The following PPM1L variants were observed in gnomAD, a reference collection of about 807,000 sequenced individuals.
PPM1L encodes the protein protein phosphatase, Mg2+/Mn2+ dependent 1L, also known as protein phosphatase 1L.
PPM1L carries 13 observed loss-of-function variants against 31.4 expected under a neutral mutation model. That is an observed-to-expected ratio of 0.41 (90% CI 0.27 to 0.66). The LOEUF (loss-of-function observed/expected upper bound fraction) is 0.66, where lower values mean the gene tolerates loss of function less well. Among genes scored for constraint, PPM1L ranks in the 30% least tolerant of loss-of-function variants. The pLI, the probability that PPM1L is intolerant of heterozygous loss-of-function variation, is 0.29. For missense variants in PPM1L, 326 were observed against 453.7 expected (o/e 0.72, Z 2.56); for synonymous variants, 184 against 175.4 (o/e 1.05, Z -0.39).
chr3:160,972,103 TATTA>T (rs998939019), intron 2 of PPM1L, among the ~76,000 whole-genome samples: 7 of 152,226 alleles, frequency 4.6e-5, no homozygotes, highest in African/African-American at 1.7e-4. Flanking sequence ...CTCCAACTGA[TATTA>T]ATTAGTTTAT....
At chr3:160,792,803 C>T (rs993184194) in intron 1 of PPM1L, among the ~76,000 whole-genome samples, 2 of 152,166 alleles carry the variant, frequency 1.3e-5, no homozygotes, top group Non-Finnish European at 2.9e-5. Context: ...TTTTATTATA[C>T]AGGATACAGC....
At chr3:160,767,862 T>C (rs564877864) in intron 1 of PPM1L, among the ~76,000 whole-genome samples, 59 of 152,314 alleles carry the variant, frequency 3.9e-4, no homozygotes, top group Non-Finnish European at 4.9e-4. Flanking sequence ...GTGTATACCA[T>C]TTCTTTTTAA....
At chr3:160,859,819 C>T (rs1292408997) in intron 1 of PPM1L, among the ~76,000 whole-genome samples, 2 of 152,130 alleles carry the variant, frequency 1.3e-5, no homozygotes, top group Non-Finnish European at 2.9e-5. Flanking sequence ...CTGGGAGCTG[C>T]CTGATAAAAG....
At chr3:160,985,983 A>ACCC (rs1559914249) in intron 2 of PPM1L, among the ~76,000 whole-genome samples, 8 of 149,056 alleles carry the variant, frequency 5.4e-5, no homozygotes, top group African/African-American at 1.5e-4. Context: ...CACCCACCCA[A>ACCC]AAAAAAAAAT....
intron 2 of PPM1L, among the ~76,000 whole-genome samples, chr3:161,045,083 A>G (rs1719019440): frequency 6.6e-6 from 1 of 152,240 alleles, no homozygotes; most frequent in Non-Finnish European, 1.5e-5. Flanking sequence ...TATCCTAAAT[A>G]TATATGCACT....
intron 1 of PPM1L, among the ~76,000 whole-genome samples, chr3:160,945,642 C>G (rs1715384249): frequency 6.6e-6 from 1 of 152,080 alleles, no homozygotes; most frequent in Non-Finnish European, 1.5e-5. Context: ...CTCAGAGTTA[C>G]TTTTTAATCA....
chr3:160,814,476 T>TACAC (rs143386537), intron 1 of PPM1L, among the ~76,000 whole-genome samples: 5 of 145,086 alleles, frequency 3.4e-5, no homozygotes, highest in Admixed American at 7.1e-5. Context: ...GTGGTGTATA[T>TACAC]ACACACACAC....
chr3:160,969,709 T>G (rs546471255), intron 2 of PPM1L, among the ~76,000 whole-genome samples: 1 of 152,296 alleles, frequency 6.6e-6, no homozygotes, highest in Admixed American at 6.5e-5. Flanking sequence ...CAGGGACTTG[T>G]TGACAAGAAT....
intron 1 of PPM1L, chr3:160,882,315 G>A (rs988398401): frequency 2.6e-5 from 4 of 152,116 alleles, no homozygotes; most frequent in Non-Finnish European, 5.9e-5. Flanking sequence ...CTCATCTGGC[G>A]CAGGGTAAGC....
intron 2 of PPM1L, among the ~76,000 whole-genome samples, chr3:161,062,144 G>GA (rs1719591350): frequency 1.4e-5 from 2 of 146,796 alleles, no homozygotes; most frequent in African/African-American, 5.0e-5. Context: ...TAGTGGGGGG[G>GA]GAAAAAAAAA....
intron 1 of PPM1L, among the ~76,000 whole-genome samples, chr3:160,934,950 CA>C (rs960317855): frequency 9.0e-5 from 13 of 145,116 alleles, no homozygotes; most frequent in East Asian, 2.0e-4. Flanking sequence ...CACTCTGTCT[CA>C]AAAAAAAAAG....
intron 1 of PPM1L, among the ~76,000 whole-genome samples, chr3:160,946,160 G>C (rs1715401867): frequency 6.6e-6 from 1 of 152,028 alleles, no homozygotes; most frequent in African/African-American, 2.4e-5. Context: ...TTTATCCCTA[G>C]CTTCATCTCA....
chr3:160,883,649 G>A (rs555951936), intron 1 of PPM1L, among the ~76,000 whole-genome samples: 17 of 151,944 alleles, frequency 1.1e-4, no homozygotes, highest in African/African-American at 3.6e-4. Flanking sequence ...GGTCCTTTTT[G>A]TTTCCATAGG....
At chr3:160,807,064 A>G (rs1712626435) in intron 1 of PPM1L, among the ~76,000 whole-genome samples, 1 of 151,710 alleles carries the variant, frequency 6.6e-6, no homozygotes. Flanking sequence ...AGTTTTTAAA[A>G]CTCCTCTGGT....
intron 1 of PPM1L, among the ~76,000 whole-genome samples, chr3:160,871,933 A>G (rs951341110): frequency 6.6e-6 from 1 of 152,136 alleles, no homozygotes; most frequent in African/African-American, 2.4e-5. Context: ...TATTTTAATT[A>G]AAGCATCTTT....
chr3:160,986,563 T>C (rs1162912043), intron 2 of PPM1L, among the ~76,000 whole-genome samples: 1 of 152,236 alleles, frequency 6.6e-6, no homozygotes, highest in Non-Finnish European at 1.5e-5. Context: ...TATTAATTAA[T>C]TGCCTGATAT....
chr3:161,006,042 C>T (rs928427158), intron 2 of PPM1L, among the ~76,000 whole-genome samples: 10 of 151,878 alleles, frequency 6.6e-5, no homozygotes, highest in African/African-American at 1.9e-4. Context: ...ACAGTCTCAA[C>T]GAGATATTTT....
intron 1 of PPM1L, chr3:160,842,354 A>G: frequency 1.4e-6 from 1 of 700,138 alleles, no homozygotes. Context: ...ATAATGGGAA[A>G]TAAAACTAGA....
At chr3:160,762,194 A>G (rs1470191276) in intron 1 of PPM1L, among the ~76,000 whole-genome samples, 2 of 152,246 alleles carry the variant, frequency 1.3e-5, no homozygotes, top group Non-Finnish European at 2.9e-5. Flanking sequence ...TTCGGCTTTC[A>G]CATTATGATG....
Sources: gnomAD v4.1 joint callset for allele counts (sites outside exome capture counted in the v4.1 genomes callset) on GRCh38, gnomAD v4.1.1 for gene constraint, MANE v1.5 for transcripts, NCBI Gene and HGNC (gene_info 2026-07-23, HGNC 2026-07-21) for gene names.